ZNF567: variants seen among roughly 807,000 people sequenced by gnomAD.
ZNF567 encodes zinc finger protein 567.
A neutral mutation model predicts 53.9 loss-of-function variants in ZNF567; 36 were observed. The ratio of observed to expected loss-of-function variants is 0.67; its 90% CI spans 0.51 to 0.88. The LOEUF (loss-of-function observed/expected upper bound fraction) is 0.88, where lower values mean the gene tolerates loss of function less well. ZNF567 is among the 40% of genes least tolerant of loss of function. The pLI is 0.00. For synonymous variants in ZNF567, 224 were observed against 260.4 expected (o/e 0.86, Z 1.35); for missense variants, 619 against 764.7 (o/e 0.81, Z 2.25).
At chr19:36,691,190 C>T (rs1028364769) in intron 2 of ZNF567, among the ~76,000 whole-genome samples, 3 of 151,958 alleles carry the variant, frequency 2.0e-5, no homozygotes, top group African/African-American at 7.3e-5. Context: ...CAAGGTCTCC[C>T]TCCGTTGCCC....
At chr19:36,710,439 T>A (rs1429387322) in intron 3 of ZNF567, among the ~76,000 whole-genome samples, 2 of 152,288 alleles carry the variant, frequency 1.3e-5, no homozygotes, top group Middle Eastern at 3.4e-3. Flanking sequence ...AAACTGGACA[T>A]CATAAATAGT....
At chr19:36,710,386 T>TTTTTG (rs1320039340) in intron 3 of ZNF567, among the ~76,000 whole-genome samples, 1 of 151,838 alleles carries the variant, frequency 6.6e-6, no homozygotes, top group East Asian at 1.9e-4. Flanking sequence ...CCCCCACTCC[T>TTTTTG]TTTTGTTTTG....
chr19:36,672,815 G>T, the ZNF567 span, among the ~76,000 whole-genome samples: 9 of 152,256 alleles, frequency 5.9e-5, no homozygotes, highest in Admixed American at 3.9e-4. Flanking sequence ...ATGAAGGTTT[G>T]GGTCACCCCA....
At chr19:36,699,596 A>C (rs370367926) in intron 3 of ZNF567, among the ~76,000 whole-genome samples, 8 of 152,064 alleles carry the variant, frequency 5.3e-5, no homozygotes, top group Middle Eastern at 3.4e-3. Flanking sequence ...CTTTTATTTC[A>C]TTGAGCAGTG....
chr19:36,724,630 C>T (rs911821393), downstream of ZNF567, among the ~76,000 whole-genome samples: 3 of 145,170 alleles, frequency 2.1e-5, no homozygotes, highest in Non-Finnish European at 4.5e-5. Context: ...TGTAGTGAGC[C>T]GAGATCACGC....
chr19:36,693,181 A>T (rs2038710761), intron 2 of ZNF567, among the ~76,000 whole-genome samples: 1 of 152,006 alleles, frequency 6.6e-6, no homozygotes, highest in African/African-American at 2.4e-5. Context: ...CCAGCTACCC[A>T]GGAGGCTGAG....
chr19:36,694,850 C>G lies in ZNF567; in HGVS notation c.-18C>G. On this transcript the variant is annotated 5_prime_UTR_variant, in exon 3 of 6. Coordinates refer to ENST00000682579, the MANE Select transcript of ZNF567 (RefSeq NM_001322917.1). ...ACTCCAAAGGAAGGACTGGTCATCT[C>G]TTTCATATCTCAAAACCATGGCTCA... 2 of 1,523,132 alleles carry G rather than the reference C, an allele frequency of 1.3e-6. No individual in the cohort carries two copies. Among genetic ancestry groups the G allele is most frequent in the East Asian group, 4.9e-5 (2 of 40,470 alleles). 94.4% of individuals were successfully genotyped at this position (1,523,132 alleles called of 1,614,324 possible). A position where few individuals can be genotyped will look rare whatever the true frequency, so the allele number is the denominator to read the frequency against.
Position 36,702,753 on chromosome 19 carries a change from C to T in ZNF567, c.9+7877C>T, listed in dbSNP as rs553824295. On this transcript the variant is annotated intron_variant, in intron 3 of 5. Transcript: ENST00000682579. ...GCTTCTGCATTCTTCATGTAGTTCT[C>T]GAGCCTTGGCTTTCAGCTCCATCAG... Among the ~76,000 whole-genome samples the T allele has an allele frequency of 7.0e-4, 107 of 152,298 alleles. 5 individuals carry two copies. The South Asian group carries it at 0.021, about 29-fold the overall frequency.
At chr19:36,671,717 A>C in the ZNF567 span, among the ~76,000 whole-genome samples, 1 of 152,192 alleles carries the variant, frequency 6.6e-6, no homozygotes, top group East Asian at 1.9e-4. Flanking sequence ...GACTCTTCAG[A>C]GGCAGCTTTT....
downstream of ZNF567, chr19:36,723,179 G>A (rs1286204465): frequency 7.1e-6 from 5 of 702,762 alleles, no homozygotes; most frequent in Non-Finnish European, 1.0e-5. Flanking sequence ...AGCCTACCTT[G>A]TTTTTCTAGG....
At chr19:36,669,595 C>T in the ZNF567 span, among the ~76,000 whole-genome samples, 4 of 152,074 alleles carry the variant, frequency 2.6e-5, no homozygotes, top group East Asian at 1.9e-4. Context: ...AAAAGCAGTC[C>T]GATGTAACCA....
the ZNF567 span, among the ~76,000 whole-genome samples, chr19:36,673,960 T>TAACTTGACACCTTCTA: frequency 6.6e-6 from 1 of 152,216 alleles, no homozygotes; most frequent in South Asian, 2.1e-4. Flanking sequence ...TACCATTTTC[T>TAACTTGACACCTTCTA]AACTTGACAC....
Position 36,720,001 on chromosome 19 carries a change from G to A in ZNF567, c.1277G>A (p.Cys426Tyr). Residue 426 changes from cysteine (C) to tyrosine (Y), a missense_variant, in exon 6 of 6, where the codon TGT (cysteine) becomes TAT (tyrosine). By Grantham distance (194) the Cys-to-Tyr change is radical. Coordinates refer to ENST00000682579, the MANE Select transcript of ZNF567 (RefSeq NM_001322917.1). ...GAAAAGCCCTATATTTGTAATGAAT[G>A]TGGGAAATCCTTCTCCCAGAAGACA... is the stretch of plus-strand genomic sequence containing the variant. ...TGEKPYICNE[C>Y]GKSFSQKTTL... 6.2e-7 allele frequency: 1 copy of A among 1,614,062 alleles called. No individual in the cohort carries two copies. Among genetic ancestry groups the A allele is most frequent in the Non-Finnish European group, 8.5e-7 (1 of 1,180,022 alleles).
At chr19:36,707,237 T>C (rs929295849) in intron 3 of ZNF567, among the ~76,000 whole-genome samples, 1 of 152,154 alleles carries the variant, frequency 6.6e-6, no homozygotes, top group East Asian at 1.9e-4. Context: ...TTTATTTTCT[T>C]GTTTGTTTTG....
At chr19:36,668,333 C>T in the ZNF567 span, 1 of 152,302 alleles carries the variant, frequency 6.6e-6, no homozygotes, top group Non-Finnish European at 1.5e-5. Context: ...CCCGCAGTGG[C>T]CCCTGTGGGG....
the ZNF567 span, among the ~76,000 whole-genome samples, chr19:36,673,614 C>T: frequency 1.1e-4 from 17 of 152,132 alleles, no homozygotes; most frequent in East Asian, 1.9e-4. Flanking sequence ...AGATTTTGGA[C>T]GTACCAAGGC....
Position 36,719,699 on chromosome 19 carries a change from T to G in ZNF567, c.975T>G (p.Thr325=). The G allele has an allele frequency of 6.2e-7, 1 of 1,614,020 alleles. No homozygotes were observed. The highest frequency in any genetic ancestry group is 1.1e-5 in the South Asian group (1 of 91,076). The change falls in exon 6 of 6, where the codon ACT becomes ACG. Residue 325 remains threonine, a synonymous_variant. Transcript: ENST00000682579. The part of the protein sequence containing the change: ...GKSFRLKTAL[T]DHQRTHTGEK... The stretch of plus-strand genomic sequence containing the variant: ...CCTTCCGCCTCAAGACAGCCCTCAC[T>G]GATCATCAGAGAACACACACAGGGG...
intron 3 of ZNF567, among the ~76,000 whole-genome samples, chr19:36,709,155 A>G (rs1335391983): frequency 1.3e-5 from 2 of 152,212 alleles, no homozygotes; most frequent in African/African-American, 2.4e-5. Flanking sequence ...ATTGTGAGCT[A>G]AGAATTGTCT....
downstream of ZNF567, among the ~76,000 whole-genome samples, chr19:36,724,116 C>G (rs868419066): frequency 6.7e-6 from 1 of 150,200 alleles, no homozygotes. Flanking sequence ...AAGCGATTCT[C>G]CCAGCTCAGT....
Sources: gnomAD v4.1 joint callset for allele counts (sites outside exome capture counted in the v4.1 genomes callset) on GRCh38, gnomAD v4.1.1 for gene constraint, MANE v1.5 for transcripts, NCBI Gene and HGNC (gene_info 2026-07-23, HGNC 2026-07-21) for gene names.